The following NPEPL1 variants were observed in gnomAD, a reference collection of about 807,000 sequenced individuals.
NPEPL1 encodes the protein aminopeptidase like 1.
A neutral mutation model predicts 52.4 loss-of-function variants in NPEPL1; 45 were observed. The observed-to-expected ratio is 0.86, with a 90% CI of 0.68 to 1.10. The LOEUF (loss-of-function observed/expected upper bound fraction) is 1.10. Ranked by LOEUF, NPEPL1 falls within the 50% of genes least tolerant of loss-of-function variation. NPEPL1 has a pLI of 0.00. For synonymous variants in NPEPL1, 360 were observed against 314.7 expected (o/e 1.14, Z -1.52); for missense variants, 696 against 710.9 (o/e 0.98, Z 0.24).
At chr20:58,699,685 A>G (rs1035967745) in intron 5 of NPEPL1, among the ~76,000 whole-genome samples, 4 of 152,074 alleles carry the variant, frequency 2.6e-5, no homozygotes, top group South Asian at 2.1e-4. Context: ...CCCAAGATAT[A>G]TTTTTGGTGG....
At chr20:58,704,146 C>A (rs1329475608) in intron 6 of NPEPL1, 1 of 985,298 alleles carries the variant, frequency 1.0e-6, no homozygotes, top group African/African-American at 1.7e-5. Flanking sequence ...CTCACAATCT[C>A]TCCCCAACGG....
intron 6 of NPEPL1, chr20:58,703,660 A>G: frequency 1.0e-6 from 1 of 985,332 alleles, no homozygotes; most frequent in Non-Finnish European, 1.2e-6. Context: ...TAGGGAAAAT[A>G]TCGTTGCACC....
Position 58,712,568 on chromosome 20 carries a change from G to C in NPEPL1, c.990G>C (p.Leu330=). ...CAAGGCCAGATGACATCCACCTGCTGTACTCAGGGAAGTACGTCTGGCCCT... is the reference window on the plus strand; with the variant it reads ...CAAGGCCAGATGACATCCACCTGCTCTACTCAGGGAAGTACGTCTGGCCCT... ...NATRPDDIHL[L]YSGKTVEINN... is the part of the protein sequence containing the mutation. The change falls in exon 8 of 12, where the codon CTG becomes CTC. Residue 330 remains leucine, a synonymous_variant. Transcript: ENST00000356091. 6.2e-7 allele frequency: 1 copy of C among 1,611,984 alleles called. No individual in the cohort carries two copies. Among genetic ancestry groups the C allele is most frequent in the Non-Finnish European group, 8.5e-7 (1 of 1,178,284 alleles).
chr20:58,691,084 G>A, upstream of NPEPL1: 1 of 702,804 alleles, frequency 1.4e-6, no homozygotes. Context: ...GCCTGTGGAA[G>A]TCCTATTACA....
At chr20:58,696,680 C>T (rs2084498550) in intron 3 of NPEPL1, among the ~76,000 whole-genome samples, 1 of 152,272 alleles carries the variant, frequency 6.6e-6, no homozygotes, top group African/African-American at 2.4e-5. Context: ...TGGCCTCCTT[C>T]CAGCTCCTGC....
At position 58,712,511 on chromosome 20, in the gene NPEPL1, C is replaced by T; in HGVS notation, c.933C>T (p.Cys311=). Residue 311 remains cysteine, a synonymous_variant, in exon 8 of 12, where the codon TGC becomes TGT. Transcript: ENST00000356091. ...GFKDNLHAVF[C]LAENSVGPNA... is the part of the protein sequence containing the mutation. ...AAGACAACCTCCACGCTGTGTTCTG[C>T]TTGGCTGAGAACTCGGTGGGGCCCA... 1 of 1,613,676 alleles carries T rather than the reference C, an allele frequency of 6.2e-7. No individual in the cohort carries two copies. Among genetic ancestry groups the T allele is most frequent in the Non-Finnish European group, 8.5e-7 (1 of 1,179,782 alleles).
chr20:58,714,346 G>A lies in NPEPL1; in HGVS notation c.1303-214G>A, dbSNP rs1443098633. On this transcript the variant is annotated intron_variant, in intron 10 of 11. Transcript: ENST00000356091. Reference sequence around the variant, plus strand: ...GGGTCTGGCTCAGTTGCCCCATCAGGCCCTTTGCTGGCTTCCCCCTTGGCC... The same window carrying A: ...GGGTCTGGCTCAGTTGCCCCATCAGACCCTTTGCTGGCTTCCCCCTTGGCC... 4 of 602,714 alleles carry A rather than the reference G, an allele frequency of 6.6e-6. No homozygotes were observed. In the African/African-American group the frequency reaches 7.6e-5, roughly 11 times the overall value. 37.3% of individuals were successfully genotyped at this position (602,714 alleles called of 1,614,324 possible). A position where few individuals can be genotyped will look rare whatever the true frequency, so the allele number is the denominator to read the frequency against.
chr20:58,704,950 CA>C (rs2084708955), intron 6 of NPEPL1, among the ~76,000 whole-genome samples: 4 of 152,126 alleles, frequency 2.6e-5, no homozygotes, highest in Admixed American at 2.6e-4. Flanking sequence ...AATGAATGTT[CA>C]CTTGAAAAAT....
At chr20:58,694,696 G>A (rs2084426156) in intron 3 of NPEPL1, 104 bp downstream of exon 3, 3 of 1,201,984 alleles carry the variant, frequency 2.5e-6, no homozygotes, top group Non-Finnish European at 2.3e-6. Flanking sequence ...GCAGGAGGGG[G>A]TTCCTGCCCT....
In NPEPL1 at chr20:58,692,821, C is replaced by G. The variant is rs1299831306; in HGVS notation, c.-80C>G. 1 of 975,278 alleles carries G rather than the reference C, an allele frequency of 1.0e-6. No individual in the cohort carries two copies. The highest frequency in any genetic ancestry group is 1.2e-4 in the East Asian group (1 of 8,672). 60.4% of individuals were successfully genotyped at this position (975,278 alleles called of 1,614,324 possible). A position where few individuals can be genotyped will look rare whatever the true frequency, so the allele number is the denominator to read the frequency against. ...GGGCAGGGCCGGGGCGGTGCCGAGG[C>G]CGGGCCGGAGCGGGGCGAAGGGGGC... is the stretch of plus-strand genomic sequence containing the variant. On this transcript the variant is annotated 5_prime_UTR_variant, in exon 1 of 12. Coordinates refer to ENST00000356091, the MANE Select transcript of NPEPL1 (RefSeq NM_024663.4). The surrounding 1 kb of genome is among the most constrained non-coding windows in gnomAD (Gnocchi z 5.7).
At chr20:58,700,761 T>C (rs2084597640) in intron 5 of NPEPL1, among the ~76,000 whole-genome samples, 2 of 152,190 alleles carry the variant, frequency 1.3e-5, no homozygotes, top group African/African-American at 2.4e-5. Flanking sequence ...ATACAATATT[T>C]TTTTCCCTTA....
Position 58,695,948 on chromosome 20 carries a change from G to C in NPEPL1, c.507+1356G>C, listed in dbSNP as rs540416241. On this transcript the variant is annotated intron_variant, in intron 3 of 11. Transcript: ENST00000356091. ...TCTCCCTCCCTCCCGCTGCTCCCCAGACTGCTGCCACCTCTCGGCATCCCC... is the reference window on the plus strand; with the variant it reads ...TCTCCCTCCCTCCCGCTGCTCCCCACACTGCTGCCACCTCTCGGCATCCCC... Among the ~76,000 whole-genome samples, 3 of 152,186 alleles carry C rather than the reference G, an allele frequency of 2.0e-5. No individual in the cohort carries two copies. The East Asian group carries it at 5.8e-4, about 29-fold the overall frequency.
chr20:58,694,048 C>T (rs999598500), intron 2 of NPEPL1, 126 bp downstream of exon 2: 15 of 965,402 alleles, frequency 1.6e-5, no homozygotes, highest in East Asian at 2.7e-5. Context: ...GTTATCATCC[C>T]TGCTCTGTAG....
At chr20:58,709,769 A>G (rs1157002481) in intron 7 of NPEPL1, among the ~76,000 whole-genome samples, 1 of 152,226 alleles carries the variant, frequency 6.6e-6, no homozygotes, top group African/African-American at 2.4e-5. Flanking sequence ...CACGTCAGAC[A>G]AACCCAGCAC....
chr20:58,693,427 C>G (rs1337887802), intron 1 of NPEPL1: 1 of 292,602 alleles, frequency 3.4e-6, no homozygotes, highest in Non-Finnish European at 6.3e-6. Context: ...TTGGGGACAC[C>G]TGGCCCCTGC....
chr20:58,714,309 T>A (rs1190534746), intron 10 of NPEPL1: 9 of 621,454 alleles, frequency 1.4e-5, no homozygotes, highest in Non-Finnish European at 2.2e-5. Flanking sequence ...CAAGGGTTTC[T>A]CCCCCAGTCT....
chr20:58,693,963 G>C (rs1423920449), intron 2 of NPEPL1, 41 bp downstream of exon 2: 12 of 1,511,976 alleles, frequency 7.9e-6, no homozygotes, highest in Non-Finnish European at 1.1e-5. Flanking sequence ...GCTCCTAGTC[G>C]GGCAGCGGTG....
upstream of NPEPL1, chr20:58,691,693 C>CTTTTTTTTTTTTTTTTTTTTTTTTCTT (rs11471424): frequency 2.0e-6 from 1 of 501,736 alleles, no homozygotes. Context: ...TTTTTCTTTT[C>CTTTTTTTTTTTTTTTTTTTTTTTTCTT]TTTTTTTTTT....
At chr20:58,700,139 C>G (rs778305902) in intron 5 of NPEPL1, among the ~76,000 whole-genome samples, 2 of 152,174 alleles carry the variant, frequency 1.3e-5, no homozygotes, top group African/African-American at 4.8e-5. Flanking sequence ...GGTCTCTGAG[C>G]GAGAGATAGG....
Sources: gnomAD v4.1 joint callset for allele counts (sites outside exome capture counted in the v4.1 genomes callset) on GRCh38, gnomAD v4.1.1 for gene constraint, Gnocchi (gnomAD v3.1) non-coding constraint, MANE v1.5 for transcripts, NCBI Gene and HGNC (gene_info 2026-07-23, HGNC 2026-07-21) for gene names.